Variants in IL1RL2 observed in about 807,000 individuals in gnomAD.
The protein encoded by IL1RL2 is interleukin-1 receptor-like 2.
In IL1RL2, 68 loss-of-function variants were observed where a neutral mutation model predicts 66.8. That is an observed-to-expected ratio of 1.02 (90% CI 0.84 to 1.25). The LOEUF (loss-of-function observed/expected upper bound fraction) is 1.25. Among genes scored for constraint, IL1RL2 ranks in the 50% most tolerant of loss-of-function variants. IL1RL2 has a pLI of 0.00. For synonymous variants in IL1RL2, 305 were observed against 264.6 expected (o/e 1.15, Z -1.48); for missense variants, 729 against 709.3 (o/e 1.03, Z -0.32).
chr2:102,239,096 A>C, intron 11 of IL1RL2, 96 bp from the exon 12 acceptor site: 1 of 1,041,610 alleles, frequency 9.6e-7, no homozygotes. Context: ...ACTGACGGCA[A>C]GGTGGAGGTT....
Position 102,189,114 on chromosome 2 carries a change from T to C in IL1RL2, c.97T>C (p.Ser33Pro), listed in dbSNP as rs772793619. Residue 33 changes from serine (S) to proline (P), a missense_variant, in exon 3 of 12, where the codon TCA becomes CCA. Ser to Pro is a moderately conservative substitution (Grantham distance 74). Coordinates refer to ENST00000264257, the MANE Select transcript of IL1RL2 (RefSeq NM_003854.4). ...CATTTTTATGAAAAATGAGATACTT[T>C]CAGCAAGCCAGCCTTTTGCTTTTAA... ...KDIFMKNEIL[S>P]ASQPFAFNCT... 87 of 1,613,984 alleles carry C rather than the reference T, an allele frequency of 5.4e-5. No individual in the cohort carries two copies. The highest frequency in any genetic ancestry group is 7.2e-5 in the Non-Finnish European group (85 of 1,179,992).
chr2:102,219,304 T>G lies in IL1RL2; in HGVS notation c.854+222T>G, dbSNP rs557978961. ...GCTACTACTCAAAATTAGTCCCATT[T>G]CCATTCAGTTATATCATGAGCCATC... is the stretch of plus-strand genomic sequence containing the variant. On this transcript the variant is annotated intron_variant, in intron 7 of 11. Coordinates refer to ENST00000264257, the MANE Select transcript of IL1RL2 (RefSeq NM_003854.4). Among the ~76,000 whole-genome samples the G allele has an allele frequency of 9.2e-5, 14 of 152,308 alleles. No homozygotes were observed. The East Asian group carries it at 1.2e-3, about 13-fold the overall frequency.
chr2:102,200,725 G>A (rs539876658), intron 4 of IL1RL2, among the ~76,000 whole-genome samples: 64 of 152,250 alleles, frequency 4.2e-4, no homozygotes, highest in African/African-American at 1.5e-3. Context: ...CTGGTGATTA[G>A]CATGAGAATG....
At chr2:102,190,130 T>C (rs868597283) in intron 3 of IL1RL2, among the ~76,000 whole-genome samples, 9 of 152,244 alleles carry the variant, frequency 5.9e-5, no homozygotes, top group Admixed American at 1.3e-4. Flanking sequence ...ACAGGCCTGC[T>C]GGTGACTGTG....
intron 11 of IL1RL2, chr2:102,235,856 G>C: frequency 2.0e-6 from 2 of 985,438 alleles, no homozygotes; most frequent in Non-Finnish European, 2.4e-6. Context: ...CCAGAAGCAA[G>C]TTAAAAGTCA....
At chr2:102,221,136 A>T (rs562604961) in intron 8 of IL1RL2, among the ~76,000 whole-genome samples, 2 of 152,276 alleles carry the variant, frequency 1.3e-5, no homozygotes, top group East Asian at 3.9e-4. Flanking sequence ...TTCATCTGTC[A>T]CCACTGCCCA....
At chr2:102,220,586 G>A (rs140591907) in intron 8 of IL1RL2, among the ~76,000 whole-genome samples, 74 of 152,248 alleles carry the variant, frequency 4.9e-4, no homozygotes, top group Middle Eastern at 6.8e-3. Context: ...CTTTAAATTC[G>A]TAACCTATCA....
At chr2:102,200,915 C>T (rs1282461388) in intron 4 of IL1RL2, among the ~76,000 whole-genome samples, 1 of 151,974 alleles carries the variant, frequency 6.6e-6, no homozygotes, top group African/African-American at 2.4e-5. Flanking sequence ...ATAAACCTGG[C>T]CAGCTTCCTT....
Position 102,189,237 on chromosome 2 carries a change from CA to C in IL1RL2, c.221del (p.His74ProfsTer24), listed in dbSNP as rs759815992. 5.6e-6 allele frequency: 9 copies of C among 1,614,062 alleles called. No homozygotes were observed. The Admixed American group carries it at 1.0e-4, about 18-fold the overall frequency. The stretch of plus-strand genomic sequence containing the variant: ...GTCCAAAATCATACAGTCTAGAATT[CA>C]CCAGGACGAGACTTGGATTTTGTTT... ...PVSKIIQSRI[H>X]QDETWILFLP... On this transcript the variant is annotated frameshift_variant, in exon 3 of 12. Transcript: ENST00000264257. LOFTEE classifies it high-confidence loss of function.
At chr2:102,230,080 T>C (rs183546613) in intron 9 of IL1RL2, among the ~76,000 whole-genome samples, 22 of 152,264 alleles carry the variant, frequency 1.4e-4, no homozygotes, top group African/African-American at 4.8e-4. Flanking sequence ...TAGTTTAGAA[T>C]AGACCAGGAA....
At chr2:102,187,654 C>T (rs1048155791) in intron 1 of IL1RL2, among the ~76,000 whole-genome samples, 4 of 152,202 alleles carry the variant, frequency 2.6e-5, no homozygotes, top group African/African-American at 9.6e-5. Context: ...TGCCCTGGAT[C>T]CTGGTCGGGC....
intron 5 of IL1RL2, among the ~76,000 whole-genome samples, chr2:102,207,885 G>A (rs531520612): frequency 6.6e-6 from 1 of 152,180 alleles, no homozygotes; most frequent in Non-Finnish European, 1.5e-5. Context: ...AGCTTGTGGT[G>A]GTAAGATTTA....
intron 3 of IL1RL2, 127 bp from the exon 4 acceptor site, chr2:102,191,798 G>A: frequency 1.6e-6 from 1 of 633,920 alleles, no homozygotes; most frequent in Non-Finnish European, 2.7e-6. Flanking sequence ...GATGCTTAGT[G>A]CTTTGTTAGA....
chr2:102,230,267 A>G (rs34039429), intron 9 of IL1RL2, among the ~76,000 whole-genome samples: 583 of 152,322 alleles, frequency 3.8e-3, no homozygotes, highest in African/African-American at 0.013. Context: ...CCCATTTTCT[A>G]TCTATGGAAA....
intron 8 of IL1RL2, among the ~76,000 whole-genome samples, chr2:102,221,187 C>T (rs1393198774): frequency 1.3e-5 from 2 of 152,126 alleles, no homozygotes; most frequent in Non-Finnish European, 2.9e-5. Flanking sequence ...CATAAAGCAT[C>T]CTTCTCCATC....
At chr2:102,219,642 G>C (rs538253057) in intron 7 of IL1RL2, among the ~76,000 whole-genome samples, 2 of 152,228 alleles carry the variant, frequency 1.3e-5, no homozygotes, top group East Asian at 3.9e-4. Context: ...GGCCTTTGGG[G>C]CTGAGAATGG....
intron 2 of IL1RL2, 111 bp downstream of exon 2, chr2:102,188,036 CCCCAGACCG>C: frequency 1.0e-6 from 1 of 980,818 alleles, no homozygotes; most frequent in East Asian, 2.4e-5. Context: ...TCCTTCCCCT[CCCCAGACCG>C]CCAGGCGGAG....
At chr2:102,199,156 TC>T (rs1411092226) in intron 4 of IL1RL2, among the ~76,000 whole-genome samples, 1 of 152,208 alleles carries the variant, frequency 6.6e-6, no homozygotes, top group Non-Finnish European at 1.5e-5. Flanking sequence ...TATCCCTACT[TC>T]CCTGCCTTAG....
chr2:102,221,614 C>G (rs1193555542), intron 8 of IL1RL2, among the ~76,000 whole-genome samples: 1 of 152,118 alleles, frequency 6.6e-6, no homozygotes, highest in Non-Finnish European at 1.5e-5. Flanking sequence ...TGGATTCCTC[C>G]CCTCCTGCCC....
Sources: allele counts gnomAD v4.1 joint callset (sites outside exome capture counted in the v4.1 genomes callset), GRCh38; gene constraint gnomAD v4.1.1; transcripts MANE v1.5; gene names NCBI Gene and HGNC (gene_info 2026-07-23, HGNC 2026-07-21).